The following SGCZ variants were observed in gnomAD, a reference collection of about 807,000 sequenced individuals.
SGCZ encodes the protein sarcoglycan zeta, also known as zeta-sarcoglycan.
Under a neutral mutation model 41.3 loss-of-function variants are expected in SGCZ, and 40 were observed. That is an observed-to-expected ratio of 0.97 (90% CI 0.75 to 1.26). SGCZ has a LOEUF of 1.26. Ranked by LOEUF, SGCZ falls within the 50% of genes most tolerant of loss-of-function variation. The probability of loss-of-function intolerance (pLI) is 0.00; values close to 1 mark genes in which losing one functional copy is unlikely to be tolerated. For missense variants in SGCZ, 552 were observed against 369.8 expected (o/e 1.49, Z -4.04); for synonymous variants, 206 against 137.5 (o/e 1.50, Z -3.49).
intron 4 of SGCZ, among the ~76,000 whole-genome samples, chr8:14,191,933 A>T (rs1805116474): frequency 6.6e-6 from 1 of 152,106 alleles, no homozygotes; most frequent in Non-Finnish European, 1.5e-5. Context: ...TAAAATACTG[A>T]TCCTTTTACC....
At chr8:14,108,016 T>C (rs1375091113) in intron 6 of SGCZ, 147 bp downstream of exon 6, 1 of 690,076 alleles carries the variant, frequency 1.4e-6, no homozygotes, top group African/African-American at 1.8e-5. Context: ...TTTTTCCACA[T>C]TCTTCCTATC....
At chr8:15,106,565 T>G (rs1313166902) in intron 1 of SGCZ, among the ~76,000 whole-genome samples, 1 of 136,950 alleles carries the variant, frequency 7.3e-6, no homozygotes, top group African/African-American at 2.5e-5. Context: ...TTTTATTACA[T>G]ACAGACTTCT....
chr8:14,943,137 T>G lies in SGCZ; in HGVS notation c.39+294448A>C, dbSNP rs76794737. Among the ~76,000 whole-genome samples, 494 of 152,288 alleles carry G rather than the reference T, an allele frequency of 3.2e-3. 3 individuals carry two copies. Among genetic ancestry groups the G allele is most frequent in the African/African-American group, 0.011 (472 of 41,548 alleles). Reference sequence around the variant, plus strand: ...TTCACAACATTACATTCAAAATACTTGCCCTGTTCCCTTGACTCACTAAAT... The same window carrying G: ...TTCACAACATTACATTCAAAATACTGGCCCTGTTCCCTTGACTCACTAAAT... On this transcript the variant is annotated intron_variant, in intron 1 of 7. Transcript: ENST00000382080.
intron 2 of SGCZ, among the ~76,000 whole-genome samples, chr8:14,440,437 G>C (rs952441418): frequency 1.3e-5 from 2 of 152,026 alleles, no homozygotes; most frequent in Admixed American, 6.6e-5. Flanking sequence ...TTTTCCGCCT[G>C]GGTTTGTTGG....
intron 2 of SGCZ, among the ~76,000 whole-genome samples, chr8:14,453,530 G>A (rs1800657871): frequency 6.6e-6 from 1 of 152,252 alleles, no homozygotes; most frequent in East Asian, 1.9e-4. Flanking sequence ...TGCCTGCAGG[G>A]AGAAGAAAAA....
intron 1 of SGCZ, among the ~76,000 whole-genome samples, chr8:14,890,424 A>G (rs1163220071): frequency 6.6e-6 from 1 of 152,198 alleles, no homozygotes; most frequent in Non-Finnish European, 1.5e-5. Flanking sequence ...AGATGGATGA[A>G]ATCAGCCCCA....
At chr8:14,479,279 G>A (rs1206659044) in intron 2 of SGCZ, among the ~76,000 whole-genome samples, 1 of 19,964 alleles carries the variant, frequency 5.0e-5, no homozygotes, top group Admixed American at 8.6e-4. Context: ...TGAAGAACTT[G>A]CAGTCTAACG....
At chr8:14,580,132 C>A in intron 1 of SGCZ, among the ~76,000 whole-genome samples, 1 of 152,110 alleles carries the variant, frequency 6.6e-6, no homozygotes, top group East Asian at 1.9e-4. Flanking sequence ...AACATAATCA[C>A]AAACACAGAA....
chr8:14,449,707 T>C, intron 2 of SGCZ, among the ~76,000 whole-genome samples: 1 of 152,114 alleles, frequency 6.6e-6, no homozygotes, highest in East Asian at 1.9e-4. Flanking sequence ...TGCATTAAAG[T>C]AAATTTTTGT....
At chr8:14,409,269 A>T (rs1002983004) in intron 2 of SGCZ, among the ~76,000 whole-genome samples, 1 of 152,154 alleles carries the variant, frequency 6.6e-6, no homozygotes, top group African/African-American at 2.4e-5. Flanking sequence ...CTCTCAAATT[A>T]TACTTTCTCC....
intron 1 of SGCZ, among the ~76,000 whole-genome samples, chr8:14,817,569 T>C (rs1160278177): frequency 1.3e-5 from 2 of 152,102 alleles, no homozygotes; most frequent in African/African-American, 4.8e-5. Context: ...TGAGACACCA[T>C]TGTCACTATA....
intron 5 of SGCZ, among the ~76,000 whole-genome samples, chr8:14,134,576 C>T (rs1227774696): frequency 6.6e-6 from 1 of 152,144 alleles, no homozygotes; most frequent in African/African-American, 2.4e-5. Context: ...TTATTTTGCA[C>T]CACTTAAAAA....
chr8:15,150,536 C>A (rs186262261), intron 1 of SGCZ, among the ~76,000 whole-genome samples: 9 of 152,238 alleles, frequency 5.9e-5, no homozygotes, highest in Admixed American at 4.6e-4. Context: ...TTGACTGGAA[C>A]AAGGTTTGAT....
chr8:14,626,631 A>T (rs1806463804), intron 1 of SGCZ, among the ~76,000 whole-genome samples: 1 of 152,112 alleles, frequency 6.6e-6, no homozygotes, highest in Admixed American at 6.6e-5. Flanking sequence ...AAAAAGATGA[A>T]ATTTGAACAT....
chr8:14,698,926 G>A (rs542487248), intron 1 of SGCZ, among the ~76,000 whole-genome samples: 2 of 151,848 alleles, frequency 1.3e-5, no homozygotes, highest in South Asian at 2.1e-4. Flanking sequence ...TTGAAAGAGT[G>A]GATTCTCACC....
chr8:14,766,023 C>T, intron 1 of SGCZ, among the ~76,000 whole-genome samples: 1 of 148,874 alleles, frequency 6.7e-6, no homozygotes, highest in East Asian at 2.0e-4. Flanking sequence ...AGTACAGTGG[C>T]ATGATCTCGG....
intron 4 of SGCZ, among the ~76,000 whole-genome samples, chr8:14,227,108 A>G (rs1025967883): frequency 3.3e-5 from 5 of 152,140 alleles, no homozygotes; most frequent in Non-Finnish European, 5.9e-5. Context: ...AGGTGGAATC[A>G]TAAGGACCTC....
At chr8:14,102,578 A>T in intron 6 of SGCZ, 79 bp from the exon 7 acceptor site, 1 of 1,209,066 alleles carries the variant, frequency 8.3e-7, no homozygotes, top group Non-Finnish European at 1.0e-6. Flanking sequence ...AATTTTTGAT[A>T]AACTAGAAGA....
chr8:14,870,288 G>T (rs1804099764), intron 1 of SGCZ, among the ~76,000 whole-genome samples: 1 of 151,508 alleles, frequency 6.6e-6, no homozygotes, highest in Admixed American at 6.6e-5. Flanking sequence ...CATTTGAGAT[G>T]GAGACCATCC....
Sources: gnomAD v4.1 joint callset for allele counts (sites outside exome capture counted in the v4.1 genomes callset) on GRCh38, gnomAD v4.1.1 for gene constraint, MANE v1.5 for transcripts, NCBI Gene and HGNC (gene_info 2026-07-23, HGNC 2026-07-21) for gene names.